The following FRAS1 variants were observed in gnomAD, a reference collection of about 807,000 sequenced individuals.
FRAS1 encodes Fraser extracellular matrix complex subunit 1.
A neutral mutation model predicts 435.2 loss-of-function variants in FRAS1; 290 were observed. The ratio of observed to expected loss-of-function variants is 0.67; its 90% CI spans 0.61 to 0.73. The LOEUF is 0.73. FRAS1 is among the 30% of genes least tolerant of loss of function. The pLI is 0.00. For missense variants in FRAS1, 4,860 were observed against 5,001.5 expected, an observed-to-expected ratio of 0.97 and a Z score of 0.85; for synonymous variants, 1,800 against 1,851.0, an observed-to-expected ratio of 0.97 and a Z score of 0.71.
intron 6 of FRAS1, among the ~76,000 whole-genome samples, chr4:78,263,789 G>C (rs1285617113): frequency 6.6e-6 from 1 of 152,180 alleles, no homozygotes; most frequent in Non-Finnish European, 1.5e-5. Flanking sequence ...ACCTAAAACA[G>C]AGAAAATAGT....
chr4:78,509,484 A>G (rs1008751198), intron 63 of FRAS1, among the ~76,000 whole-genome samples: 2 of 151,262 alleles, frequency 1.3e-5, no homozygotes, highest in Non-Finnish European at 2.9e-5. Flanking sequence ...TCTGTAATGC[A>G]GTAGAAACAT....
chr4:78,276,178 G>A (rs550443880), intron 9 of FRAS1, among the ~76,000 whole-genome samples: 47 of 152,224 alleles, frequency 3.1e-4, no homozygotes, highest in African/African-American at 1.1e-3. Flanking sequence ...GGTCATTTAA[G>A]GACTTCTCTA....
At chr4:78,500,134 A>G (rs919522430) in intron 61 of FRAS1, among the ~76,000 whole-genome samples, 1 of 152,232 alleles carries the variant, frequency 6.6e-6, no homozygotes, top group Admixed American at 6.5e-5. Context: ...ACTTTAGACC[A>G]TGCTGGGCAT....
At chr4:78,438,858 T>C in intron 39 of FRAS1, 44 bp from the exon 40 acceptor site, 1 of 1,564,134 alleles carries the variant, frequency 6.4e-7, no homozygotes, top group African/African-American at 1.4e-5. Context: ...TTACCTGGCT[T>C]GTCATCGTGG....
chr4:78,263,665 T>C (rs1318915932), intron 6 of FRAS1, among the ~76,000 whole-genome samples: 4 of 152,254 alleles, frequency 2.6e-5, no homozygotes, highest in Non-Finnish European at 5.9e-5. Context: ...TGAAGAGATC[T>C]GTCTGTAGTC....
intron 14 of FRAS1, among the ~76,000 whole-genome samples, chr4:78,296,911 C>T (rs535142792): frequency 3.3e-5 from 5 of 152,282 alleles, no homozygotes; most frequent in Non-Finnish European, 5.9e-5. Context: ...TCCATGTCCT[C>T]GTGAACTAGG....
intron 6 of FRAS1, among the ~76,000 whole-genome samples, chr4:78,261,481 G>C (rs990975118): frequency 6.6e-6 from 1 of 152,104 alleles, no homozygotes; most frequent in Non-Finnish European, 1.5e-5. Flanking sequence ...GAGTAAACGG[G>C]AGTAGCAGGA....
chr4:78,162,393 G>A (rs972708891), intron 2 of FRAS1, among the ~76,000 whole-genome samples: 5 of 152,190 alleles, frequency 3.3e-5, no homozygotes, highest in Non-Finnish European at 5.9e-5. Flanking sequence ...GATAGAAACG[G>A]TACCATAAGA....
At chr4:78,320,656 C>G (rs915227244) in intron 18 of FRAS1, among the ~76,000 whole-genome samples, 8 of 151,648 alleles carry the variant, frequency 5.3e-5, no homozygotes, top group African/African-American at 1.9e-4. Flanking sequence ...TCCCTCCCTC[C>G]TTCTGTCTCT....
chr4:78,231,759 C>T (rs1339090221), intron 2 of FRAS1, among the ~76,000 whole-genome samples: 2 of 151,806 alleles, frequency 1.3e-5, no homozygotes, highest in East Asian at 3.9e-4. Context: ...TAAATACTTT[C>T]CCAAGTGAAA....
At chr4:78,068,389 AGGG>A (rs1348785583) in intron 2 of FRAS1, among the ~76,000 whole-genome samples, 1 of 152,204 alleles carries the variant, frequency 6.6e-6, no homozygotes, top group African/African-American at 2.4e-5. Flanking sequence ...TGGATACCCA[AGGG>A]GAGAGAATTC....
intron 2 of FRAS1, among the ~76,000 whole-genome samples, chr4:78,102,959 A>G (rs569532800): frequency 6.6e-6 from 1 of 152,204 alleles, no homozygotes; most frequent in East Asian, 1.9e-4. Flanking sequence ...CATCTGGAGT[A>G]TATCAGTATC....
chr4:78,515,963 A>G lies in FRAS1; in HGVS notation c.10339A>G (p.Met3447Val), dbSNP rs1316300221. The G allele has an allele frequency of 1.9e-6, 3 of 1,613,898 alleles. No individual in the cohort carries two copies. The Admixed American group carries it at 5.0e-5, about 27-fold the overall frequency. ...GTGGACCTTTGATGCTTATTATGACATGACTGAGCTGATTGACGTCTGTGG... is the reference window on the plus strand; with the variant it reads ...GTGGACCTTTGATGCTTATTATGACGTGACTGAGCTGATTGACGTCTGTGG... ...CVWTFDAYYD[M>V]TELIDVCGGS... The change falls in exon 66 of 74, where the codon ATG (methionine) becomes GTG (valine). Residue 3447 changes from methionine to valine, a missense_variant. Met to Val is a conservative substitution (Grantham distance 21). Coordinates refer to ENST00000512123, the MANE Select transcript of FRAS1 (RefSeq NM_025074.7).
intron 5 of FRAS1, among the ~76,000 whole-genome samples, chr4:78,253,302 C>A (rs557363362): frequency 2.6e-5 from 4 of 152,170 alleles, no homozygotes; most frequent in Non-Finnish European, 5.9e-5. Context: ...CCCTTATTCC[C>A]TGAAAATTGC....
intron 2 of FRAS1, among the ~76,000 whole-genome samples, chr4:78,178,490 G>T (rs1044289116): frequency 5.9e-5 from 9 of 152,150 alleles, no homozygotes; most frequent in Admixed American, 1.3e-4. Context: ...CTGAACCAGG[G>T]TATAACCAAC....
intron 3 of FRAS1, among the ~76,000 whole-genome samples, chr4:78,242,664 G>C (rs1725057000): frequency 6.6e-6 from 1 of 152,192 alleles, no homozygotes; most frequent in African/African-American, 2.4e-5. Context: ...TCTAACTCCT[G>C]ACCTCAAGTG....
At chr4:78,198,424 G>C (rs1722913401) in intron 2 of FRAS1, among the ~76,000 whole-genome samples, 1 of 152,122 alleles carries the variant, frequency 6.6e-6, no homozygotes, top group Admixed American at 6.5e-5. Context: ...CATGCTTTCT[G>C]AGACATCTTC....
intron 59 of FRAS1, among the ~76,000 whole-genome samples, chr4:78,492,877 A>T (rs1222895431): frequency 3.9e-5 from 6 of 152,272 alleles, no homozygotes; most frequent in Non-Finnish European, 7.3e-5. Context: ...GGCAACCTAC[A>T]GAATGGGAGA....
At chr4:78,118,384 G>A (rs368508688) in intron 2 of FRAS1, among the ~76,000 whole-genome samples, 30 of 152,178 alleles carry the variant, frequency 2.0e-4, no homozygotes, top group African/African-American at 7.2e-4. Context: ...TAAGTCTGCA[G>A]AGGTGCTGCC....
Sources: gnomAD v4.1 joint callset for allele counts (sites outside exome capture counted in the v4.1 genomes callset) on GRCh38, gnomAD v4.1.1 for gene constraint, MANE v1.5 for transcripts, NCBI Gene and HGNC (gene_info 2026-07-23, HGNC 2026-07-21) for gene names.